The following GOLGA8B variants were observed in gnomAD, a reference collection of about 807,000 sequenced individuals.
The protein encoded by GOLGA8B is golgin A8 family member B.
In GOLGA8B, 1 loss-of-function variant was observed where a neutral mutation model predicts 15.6. The observed-to-expected ratio is 0.06, with a 90% CI of 0.02 to 0.30. GOLGA8B has a LOEUF of 0.30. Ranked by LOEUF, GOLGA8B falls within the 10% of genes least tolerant of loss-of-function variation. The pLI, the probability that GOLGA8B is intolerant of heterozygous loss-of-function variation, is 1.00. For missense variants in GOLGA8B, 17 were observed against 201.3 expected, an observed-to-expected ratio of 0.08 and a Z score of 5.54; for synonymous variants, 9 against 80.3, an observed-to-expected ratio of 0.11 and a Z score of 4.75.
chr15:34,581,036 G>A (rs1407054863), intron 1 of GOLGA8B, among the ~76,000 whole-genome samples: 1 of 152,190 alleles, frequency 6.6e-6, no homozygotes. Flanking sequence ...TGAAACGCAG[G>A]GCATGTGATC....
rs1257472473 is a variant in GOLGA8B, at chr15:34,564,739, G to A, written c.-1122-10783C>T. Among the ~76,000 whole-genome samples, 2 of 143,168 alleles carry A rather than the reference G, an allele frequency of 1.4e-5. 1 individual carries two copies. Among genetic ancestry groups the A allele is most frequent in the Non-Finnish European group, 3.2e-5 (2 of 62,374 alleles). The allele number at this position is 143,168 out of a possible 152,430, so 93.9% of individuals were successfully genotyped here. A position where few individuals can be genotyped will look rare whatever the true frequency, so the allele number is the denominator to read the frequency against. ...AGAGATGAGAAGTTCCAACGAAAAG[G>A]GTGTGAGGTCTTTGGGGCCAGCTTT... On this transcript the variant is annotated intron_variant, in intron 1 of 23. Transcript: ENST00000683415.
chr15:34,578,505 A>G (rs557741883), intron 1 of GOLGA8B, among the ~76,000 whole-genome samples: 10 of 151,858 alleles, frequency 6.6e-5, no homozygotes, highest in Non-Finnish European at 1.5e-4. Context: ...TGGGCCTCAC[A>G]CTCTCTCCAG....
intron 1 of GOLGA8B, among the ~76,000 whole-genome samples, chr15:34,575,900 T>C (rs1424862971): frequency 6.6e-6 from 1 of 152,230 alleles, no homozygotes; most frequent in East Asian, 1.9e-4. Flanking sequence ...ATATAGTAGC[T>C]GCTTGGAAAA....
chr15:34,564,139 T>C (rs1451184640), intron 1 of GOLGA8B, among the ~76,000 whole-genome samples: 4 of 144,368 alleles, frequency 2.8e-5, no homozygotes, highest in African/African-American at 7.5e-5. Flanking sequence ...TTGGCATCTC[T>C]TGGGTAGAGG....
chr15:34,576,053 C>T (rs143041691), intron 1 of GOLGA8B, among the ~76,000 whole-genome samples: 15 of 152,240 alleles, frequency 9.9e-5, no homozygotes, highest in Non-Finnish European at 1.8e-4. Context: ...AATGACGGGA[C>T]GGGCAAGGTG....
intron 1 of GOLGA8B, 55 bp downstream of exon 1, chr15:34,583,461 G>T (rs12903968): frequency 0.1 from 15,247 of 151,420 alleles, 1,007 homozygotes; most frequent in East Asian, 0.27. Flanking sequence ...GGCGCCGCGG[G>T]CGGCCCCAGG....
intron 4 of GOLGA8B, among the ~76,000 whole-genome samples, chr15:34,549,152 G>A (rs1278100958): frequency 1.7e-5 from 1 of 60,510 alleles, no homozygotes; most frequent in Non-Finnish European, 3.5e-5. Context: ...TCAAGAAAAT[G>A]ACAAAAAAAT....
At chr15:34,582,779 T>G (rs1889275841) in intron 1 of GOLGA8B, 1 of 152,146 alleles carries the variant, frequency 6.6e-6, no homozygotes, top group African/African-American at 2.4e-5. Context: ...CATGGAGCCC[T>G]GCTTGGGGAC....
At chr15:34,572,503 G>A (rs1035913554) in intron 1 of GOLGA8B, among the ~76,000 whole-genome samples, 2 of 152,246 alleles carry the variant, frequency 1.3e-5, no homozygotes, top group African/African-American at 4.8e-5. Flanking sequence ...ACACACAGCT[G>A]GTGAGCGGAT....
At position 34,565,158 on chromosome 15, in the gene GOLGA8B, G is replaced by A. The variant is rs1188822018; in HGVS notation, c.-1122-11202C>T. Among the ~76,000 whole-genome samples the A allele has an allele frequency of 4.6e-4, 60 of 131,826 alleles. 1 individual carries two copies. The highest frequency in any genetic ancestry group is 1.5e-3 in the African/African-American group (55 of 37,126). 86.5% of individuals were successfully genotyped at this position (131,826 alleles called of 152,430 possible). A position where few individuals can be genotyped will look rare whatever the true frequency, so the allele number is the denominator to read the frequency against. On this transcript the variant is annotated intron_variant, in intron 1 of 23. Transcript: ENST00000683415. ...CTCTTTTTTTTTTTTTTTTTGAGAC[G>A]GAGTCTCACTCTTGTCGCCCAGGCT... is the stretch of plus-strand genomic sequence containing the variant.
chr15:34,526,598 A>G lies in GOLGA8B; in HGVS notation c.*1034T>C, dbSNP rs1459566385. The G allele has an allele frequency of 1.3e-5, 2 of 149,108 alleles. No individual in the cohort carries two copies. The highest frequency in any genetic ancestry group is 2.0e-4 in the East Asian group (1 of 5,100). 9.2% of individuals were successfully genotyped at this position (149,108 alleles called of 1,614,324 possible). A position where few individuals can be genotyped will look rare whatever the true frequency, so the allele number is the denominator to read the frequency against. On this transcript the variant is annotated 3_prime_UTR_variant, in exon 24 of 24. Transcript: ENST00000683415. ...CTGTATGCCTGTTTCAGAGACATTT[A>G]AACTCTTAAAGGATGTCTTATGATC...
intron 1 of GOLGA8B, among the ~76,000 whole-genome samples, chr15:34,581,101 C>T (rs1889217732): frequency 6.6e-6 from 1 of 152,214 alleles, no homozygotes; most frequent in South Asian, 2.1e-4. Context: ...CGATCCCCAC[C>T]GACCGCCAGT....
intron 1 of GOLGA8B, among the ~76,000 whole-genome samples, chr15:34,572,238 C>G (rs1263221860): frequency 6.6e-6 from 1 of 152,216 alleles, no homozygotes; most frequent in Middle Eastern, 3.2e-3. Flanking sequence ...CACCACCTGT[C>G]AAGAGAGCAA....
In GOLGA8B at chr15:34,527,280, G is replaced by T; in HGVS notation, c.*352C>A. The stretch of plus-strand genomic sequence containing the variant: ...TCCATGCTGCAATAACATTAAAAAA[G>T]CACGGGAGCCTATTCCAAACCAGCG... On this transcript the variant is annotated 3_prime_UTR_variant, in exon 24 of 24. Coordinates refer to ENST00000683415, the MANE Select transcript of GOLGA8B (RefSeq NM_001023567.5). 1 of 362,860 alleles carries T rather than the reference G, an allele frequency of 2.8e-6. No individual in the cohort carries two copies. The highest frequency in any genetic ancestry group is 2.5e-5 in the South Asian group (1 of 40,142). The allele number at this position is 362,860 out of a possible 1,614,324, so 22.5% of individuals were successfully genotyped here.
intron 4 of GOLGA8B, among the ~76,000 whole-genome samples, 176 bp from the exon 5 acceptor site, chr15:34,547,158 T>TC (rs1404162261): frequency 2.9e-5 from 1 of 35,040 alleles, no homozygotes; most frequent in Non-Finnish European, 4.4e-5. Flanking sequence ...TCTGTTTTTT[T>TC]CATCAAAATA....
intron 1 of GOLGA8B, among the ~76,000 whole-genome samples, chr15:34,567,107 T>C (rs1298128574): frequency 8.0e-6 from 1 of 124,368 alleles, no homozygotes; most frequent in East Asian, 2.1e-4. Context: ...TTTCCAAGCA[T>C]TGATGATCCT....
intron 1 of GOLGA8B, among the ~76,000 whole-genome samples, chr15:34,570,296 C>G (rs950009422): frequency 1.3e-5 from 2 of 148,482 alleles, no homozygotes; most frequent in African/African-American, 2.5e-5. Flanking sequence ...TCCTCTAAGG[C>G]CCCCATGGGT....
chr15:34,525,508 G>A lies in GOLGA8B; in HGVS notation c.*2124C>T, dbSNP rs955806517. On this transcript the variant is annotated 3_prime_UTR_variant, in exon 24 of 24. Transcript: ENST00000683415. ...CACCATTTCTTTCTTTTAAACTACA[G>A]TATTCATATTTTAAAATGTTTTAAC... The A allele has an allele frequency of 6.7e-6, 1 of 149,654 alleles. No individual in the cohort carries two copies. The highest frequency in any genetic ancestry group is 1.5e-5 in the Non-Finnish European group (1 of 67,218). 9.3% of individuals were successfully genotyped at this position (149,654 alleles called of 1,614,324 possible).
intron 1 of GOLGA8B, among the ~76,000 whole-genome samples, chr15:34,572,986 G>A (rs1888962826): frequency 6.6e-6 from 1 of 152,184 alleles, no homozygotes; most frequent in African/African-American, 2.4e-5. Context: ...ACAGTGGCAT[G>A]TACCTGTAGT....
Sources: gnomAD v4.1 joint callset for allele counts (sites outside exome capture counted in the v4.1 genomes callset) on GRCh38, gnomAD v4.1.1 for gene constraint, MANE v1.5 for transcripts, NCBI Gene and HGNC (gene_info 2026-07-23, HGNC 2026-07-21) for gene names.